The following GRK5 variants were observed in gnomAD, a reference collection of about 807,000 sequenced individuals.
The protein encoded by GRK5 is G protein-coupled receptor kinase 5.
In GRK5, 40 loss-of-function variants were observed where a neutral mutation model predicts 78.4. That is an observed-to-expected ratio of 0.51 (90% confidence interval 0.40 to 0.66). The LOEUF (loss-of-function observed/expected upper bound fraction) is 0.66. Among genes scored for constraint, GRK5 ranks in the 30% least tolerant of loss-of-function variants. GRK5 has a pLI of 0.00. For missense variants in GRK5, 598 were observed against 759.9 expected, an observed-to-expected ratio of 0.79 and a Z score of 2.50; for synonymous variants, 289 against 296.8, an observed-to-expected ratio of 0.97 and a Z score of 0.27.
At chr10:119,356,263 C>T (rs1250339070) in intron 2 of GRK5, among the ~76,000 whole-genome samples, 2 of 152,200 alleles carry the variant, frequency 1.3e-5, no homozygotes, top group African/African-American at 2.4e-5. Context: ...AACAAATTCT[C>T]AGGGTGTGGA....
chr10:119,246,124 C>T (rs1021582118), intron 1 of GRK5, among the ~76,000 whole-genome samples: 1 of 151,710 alleles, frequency 6.6e-6, no homozygotes, highest in Non-Finnish European at 1.5e-5. Flanking sequence ...ACAGTTATCC[C>T]TTAGTATCCT....
chr10:119,394,858 T>G, intron 3 of GRK5, among the ~76,000 whole-genome samples: 1 of 149,602 alleles, frequency 6.7e-6, no homozygotes, highest in African/African-American at 2.5e-5. Flanking sequence ...TGTGCACACA[T>G]GTGCACTCAG....
intron 1 of GRK5, among the ~76,000 whole-genome samples, chr10:119,274,482 C>G (rs1849635591): frequency 6.6e-6 from 1 of 152,212 alleles, no homozygotes; most frequent in Non-Finnish European, 1.5e-5. Flanking sequence ...AGGTGACCAA[C>G]CAGTGAACTC....
At chr10:119,357,211 T>G (rs957226072) in intron 2 of GRK5, among the ~76,000 whole-genome samples, 1 of 152,248 alleles carries the variant, frequency 6.6e-6, no homozygotes, top group Non-Finnish European at 1.5e-5. Flanking sequence ...AAGGAATAAC[T>G]GTAAGTGCAG....
At chr10:119,284,408 G>T (rs752062681) in intron 1 of GRK5, among the ~76,000 whole-genome samples, 16 of 152,088 alleles carry the variant, frequency 1.1e-4, no homozygotes, top group Admixed American at 5.9e-4. Context: ...AAAGTGCTGG[G>T]ATTACAAATG....
chr10:119,424,934 C>G, intron 5 of GRK5, 59 bp from the exon 6 acceptor site: 3 of 1,205,122 alleles, frequency 2.5e-6, no homozygotes, highest in Non-Finnish European at 3.7e-6. Flanking sequence ...CACAGCTTTG[C>G]CCCCCTGCTT....
At chr10:119,278,853 C>T (rs1223059486) in intron 1 of GRK5, among the ~76,000 whole-genome samples, 2 of 152,146 alleles carry the variant, frequency 1.3e-5, no homozygotes, top group African/African-American at 4.8e-5. Flanking sequence ...TATGCACCTG[C>T]ACCCCGGTGT....
intron 2 of GRK5, among the ~76,000 whole-genome samples, chr10:119,350,339 G>A (rs919073805): frequency 3.3e-5 from 5 of 152,246 alleles, no homozygotes; most frequent in African/African-American, 1.2e-4. Flanking sequence ...GTCTGAGTTG[G>A]CATGAACTTG....
At chr10:119,443,417 G>C (rs1564937364) in intron 11 of GRK5, 127 bp from the exon 12 acceptor site, 8 of 765,052 alleles carry the variant, frequency 1.0e-5, no homozygotes, top group South Asian at 7.2e-5. Context: ...CTCCCTGGAG[G>C]GGGTGGTATT....
At position 119,430,454 on chromosome 10, in the gene GRK5, C is replaced by T. The variant is rs534343759; in HGVS notation, c.597+16C>T. ...CTTCGGGGAGGTGAGTGAACATTCA[C>T]GTTTTTAATTGAAAGTTCTTACATT... On this transcript the variant is annotated intron_variant, in intron 7 of 15. Transcript: ENST00000392870. This position sits in a 1 kb window ranked among gnomAD's most constrained non-coding sequence, Gnocchi z 4.5. 12 of 1,605,076 alleles carry T rather than the reference C, an allele frequency of 7.5e-6. No homozygotes were observed. Among genetic ancestry groups the T allele is most frequent in the African/African-American group, 2.7e-5 (2 of 74,642 alleles).
intron 1 of GRK5, among the ~76,000 whole-genome samples, chr10:119,265,967 T>C (rs1244648607): frequency 6.6e-6 from 1 of 152,154 alleles, no homozygotes; most frequent in Non-Finnish European, 1.5e-5. Flanking sequence ...CGGTTCCCTC[T>C]TTGGGCCCCA....
chr10:119,456,066 G>A lies in GRK5; in HGVS notation c.*999G>A, dbSNP rs1272248846. The A allele has an allele frequency of 2.0e-5, 3 of 152,478 alleles. No homozygotes were observed. In the East Asian group the frequency reaches 5.8e-4, roughly 29 times the overall value. The allele number at this position is 152,478 out of a possible 1,614,324, so 9.4% of individuals were successfully genotyped here. ...TGTCCCAAAGCCTCGGGGCCCACAGGAGCATCGGGAAGTGAGGCAGTGCGC... is the reference window on the plus strand; with the variant it reads ...TGTCCCAAAGCCTCGGGGCCCACAGAAGCATCGGGAAGTGAGGCAGTGCGC... On this transcript the variant is annotated 3_prime_UTR_variant, in exon 16 of 16. Coordinates refer to ENST00000392870, the MANE Select transcript of GRK5 (RefSeq NM_005308.3). This position sits in a 1 kb window ranked among gnomAD's most constrained non-coding sequence, Gnocchi z 5.5.
chr10:119,299,794 A>ATG lies in GRK5; in HGVS notation c.53-26694_53-26693dup, dbSNP rs3981127. ...TGTCACAGACTCTTCATTTAAGCAG[A>ATG]TGTGTGTGTGTGTGTGTGTGTGTGT... On this transcript the variant is annotated intron_variant, in intron 1 of 15. Transcript: ENST00000392870. 4.5e-3 allele frequency among the ~76,000 whole-genome samples: 557 copies of ATG among 124,316 alleles called. 3 individuals are homozygous for ATG. Among genetic ancestry groups the ATG allele is most frequent in the Middle Eastern group, 0.012 (3 of 252 alleles). The allele number at this position is 124,316 out of a possible 152,430, so 81.6% of individuals were successfully genotyped here. A position where few individuals can be genotyped will look rare whatever the true frequency, so the allele number is the denominator to read the frequency against.
intron 1 of GRK5, chr10:119,211,822 C>G (rs1167785621): frequency 6.6e-6 from 1 of 152,206 alleles, no homozygotes; most frequent in Non-Finnish European, 1.5e-5. Context: ...GCATCCAGCT[C>G]TGCGTGGGGC....
intron 1 of GRK5, among the ~76,000 whole-genome samples, chr10:119,318,001 AG>A (rs2133751213): frequency 6.6e-6 from 1 of 152,136 alleles, no homozygotes; most frequent in Non-Finnish European, 1.5e-5. Context: ...GGTGGGGCCC[AG>A]GAAGCTGCAT....
intron 2 of GRK5, among the ~76,000 whole-genome samples, chr10:119,357,262 G>C (rs918956308): frequency 2.6e-5 from 4 of 152,266 alleles, no homozygotes; most frequent in Non-Finnish European, 5.9e-5. Context: ...TCACAAATGG[G>C]GGGTAGGGTG....
intron 1 of GRK5, among the ~76,000 whole-genome samples, chr10:119,228,557 G>C (rs77181698): frequency 0.02 from 3,109 of 152,070 alleles, 76 homozygotes; most frequent in South Asian, 0.062. Context: ...AGAATTCAAG[G>C]CTGCAGTGAG....
intron 2 of GRK5, among the ~76,000 whole-genome samples, chr10:119,334,153 T>G (rs922586175): frequency 2.0e-5 from 3 of 152,176 alleles, no homozygotes; most frequent in African/African-American, 7.2e-5. Flanking sequence ...TTGAGACAGA[T>G]TCCTAGGCCA....
intron 2 of GRK5, among the ~76,000 whole-genome samples, chr10:119,365,075 G>A (rs1851423717): frequency 6.6e-6 from 1 of 152,186 alleles, no homozygotes; most frequent in Admixed American, 6.5e-5. Flanking sequence ...CATTAACACG[G>A]AGCAGCAGCG....
Sources: allele counts gnomAD v4.1 joint callset (sites outside exome capture counted in the v4.1 genomes callset), GRCh38; gene constraint gnomAD v4.1.1; non-coding constraint Gnocchi (gnomAD v3.1); transcripts MANE v1.5; gene names NCBI Gene and HGNC (gene_info 2026-07-23, HGNC 2026-07-21).